Variants in PRDM16 observed in about 807,000 individuals in gnomAD.
The protein encoded by PRDM16 is PR/SET domain 16.
A neutral mutation model predicts 110.6 loss-of-function variants in PRDM16; 23 were observed. That is an observed-to-expected ratio of 0.21 (90% confidence interval 0.15 to 0.29). The LOEUF is 0.29. PRDM16 is among the 10% of genes least tolerant of loss of function. The pLI is 1.00. For synonymous variants in PRDM16, 799 were observed against 781.8 expected (o/e 1.02, Z -0.37); for missense variants, 1,615 against 1,794.3 (o/e 0.90, Z 1.81).
At chr1:3,152,000 G>A (rs1479692081) in intron 1 of PRDM16, among the ~76,000 whole-genome samples, 1 of 152,226 alleles carries the variant, frequency 6.6e-6, no homozygotes, top group Non-Finnish European at 1.5e-5. Context: ...TCTGCGTGGT[G>A]CTTCCTGAAG....
intron 1 of PRDM16, among the ~76,000 whole-genome samples, chr1:3,117,507 G>T (rs1642988224): frequency 6.6e-6 from 1 of 152,102 alleles, no homozygotes. Context: ...GCATCGCCAT[G>T]CCACCTCACC....
chr1:3,260,083 G>C (rs1640127619), intron 3 of PRDM16, among the ~76,000 whole-genome samples: 1 of 152,048 alleles, frequency 6.6e-6, no homozygotes, highest in Non-Finnish European at 1.5e-5. Context: ...ACCCCTCAGA[G>C]ACCACCTTCT....
intron 1 of PRDM16, among the ~76,000 whole-genome samples, chr1:3,150,608 A>C (rs574408235): frequency 3.3e-5 from 5 of 152,036 alleles, no homozygotes; most frequent in Non-Finnish European, 5.9e-5. Context: ...GGAGGTTTTC[A>C]GTCTCTAGTC....
intron 1 of PRDM16, among the ~76,000 whole-genome samples, chr1:3,101,575 C>T (rs1338367103): frequency 6.6e-6 from 1 of 152,238 alleles, no homozygotes; most frequent in Non-Finnish European, 1.5e-5. Flanking sequence ...CAGGCTTGGC[C>T]TGAGCTCTGT....
chr1:3,125,301 G>A (rs1481578995), intron 1 of PRDM16, among the ~76,000 whole-genome samples: 2 of 152,268 alleles, frequency 1.3e-5, no homozygotes, highest in Admixed American at 6.5e-5. Flanking sequence ...AGAGGCCTCA[G>A]AGCTGGCCAG....
rs2100691129 is a variant in PRDM16, at chr1:3,425,127, G to T, written c.2940-454G>T. 6.6e-6 allele frequency: 1 copy of T among 152,390 alleles called. No individual in the cohort carries two copies. Among genetic ancestry groups the T allele is most frequent in the Admixed American group, 6.5e-5 (1 of 15,268 alleles). The allele number at this position is 152,390 out of a possible 1,614,324, so 9.4% of individuals were successfully genotyped here. ...GAGTCTCGCTCTGTCGCCCAGGCTG[G>T]AGTGCGGTGGCGTGATCTTGGCTCA... On this transcript the variant is annotated intron_variant, in intron 12 of 16. Transcript: ENST00000270722. This position sits in a 1 kb window ranked among gnomAD's most constrained non-coding sequence, Gnocchi z 6.9.
intron 1 of PRDM16, among the ~76,000 whole-genome samples, chr1:3,146,121 G>C (rs12029725): frequency 0.26 from 39,739 of 152,194 alleles, 6,306 homozygotes; most frequent in Non-Finnish European, 0.36. Context: ...GTGGGCATCA[G>C]GGCTCTGCTG....
rs542279737 is a variant in PRDM16, at chr1:3,430,939, G to T, written c.3352G>T (p.Val1118Leu). 1.9e-6 allele frequency: 3 copies of T among 1,613,960 alleles called. No homozygotes were observed. The African/African-American group carries it at 4.0e-5, about 22-fold the overall frequency. The stretch of plus-strand genomic sequence containing the variant: ...CCTAGCCAGTGAGAAGCAGGAGGAC[G>T]TGGAGGAGGAGGACGACGATGACCT... ...PGLASEKQED[V>L]EEEDDDDLEE... Residue 1118 changes from valine (V) to leucine (L), a missense_variant, in exon 15 of 17, where the codon GTG (valine) becomes TTG (leucine). Coordinates refer to ENST00000270722, the MANE Select transcript of PRDM16 (RefSeq NM_022114.4).
intron 3 of PRDM16, among the ~76,000 whole-genome samples, chr1:3,304,748 C>T (rs1282094606): frequency 7.6e-6 from 1 of 132,436 alleles, no homozygotes; most frequent in Non-Finnish European, 1.5e-5. Flanking sequence ...CCTTCGCTCC[C>T]TGCAGGGGCC....
intron 1 of PRDM16, among the ~76,000 whole-genome samples, chr1:3,095,032 G>C (rs894634831): frequency 6.6e-6 from 1 of 152,236 alleles, no homozygotes; most frequent in African/African-American, 2.4e-5. Context: ...CTGTTGCCCT[G>C]GCCTACTCCC....
intron 3 of PRDM16, among the ~76,000 whole-genome samples, chr1:3,251,734 A>C (rs961913784): frequency 5.3e-5 from 8 of 152,182 alleles, no homozygotes; most frequent in Non-Finnish European, 7.3e-5. Context: ...AGCAGGATTT[A>C]TTGGCTACAT....
chr1:3,293,073 G>A lies in PRDM16; in HGVS notation c.438+48936G>A, dbSNP rs536435810. ...TCCAGGTGCCTTTCACAGGGACATCGCCCATGAGGGCAGGGACTGCACCCT... is the reference window on the plus strand; with the variant it reads ...TCCAGGTGCCTTTCACAGGGACATCACCCATGAGGGCAGGGACTGCACCCT... On this transcript the variant is annotated intron_variant, in intron 3 of 16. Transcript: ENST00000270722. Among the ~76,000 whole-genome samples, 36 of 152,338 alleles carry A rather than the reference G, an allele frequency of 2.4e-4. No individual in the cohort carries two copies. The South Asian group carries it at 7.0e-3, about 30-fold the overall frequency.
In PRDM16 at chr1:3,402,906, G is replaced by A. The variant is rs1312631885; in HGVS notation, c.792G>A (p.Leu264=). Reference sequence around the variant, plus strand: ...TGGGGGCTGCGCTCTACGAGGGCCTGGCTGAGGAGCTCAAGCCCGAGGGCC... The same window carrying A: ...TGGGGGCTGCGCTCTACGAGGGCCTAGCTGAGGAGCTCAAGCCCGAGGGCC... ...GSVGAALYEG[L]AEELKPEGLG... Residue 264 remains leucine (L), a synonymous_variant, in exon 6 of 17, where the codon CTG becomes CTA. Coordinates refer to ENST00000270722, the MANE Select transcript of PRDM16 (RefSeq NM_022114.4). The A allele has an allele frequency of 6.2e-7, 1 of 1,613,010 alleles. No individual in the cohort carries two copies. Among genetic ancestry groups the A allele is most frequent in the African/African-American group, 1.3e-5 (1 of 75,062 alleles).
intron 1 of PRDM16, among the ~76,000 whole-genome samples, chr1:3,177,786 C>A (rs180913336): frequency 6.2e-4 from 95 of 152,372 alleles, no homozygotes; most frequent in South Asian, 1.2e-3. Flanking sequence ...TGAAGTTTTG[C>A]CTCCCTTTGT....
chr1:3,123,151 C>G (rs969901272), intron 1 of PRDM16, among the ~76,000 whole-genome samples: 13 of 152,218 alleles, frequency 8.5e-5, no homozygotes. Flanking sequence ...ACAGCAGGCC[C>G]AAGCCTTCGG....
intron 1 of PRDM16, among the ~76,000 whole-genome samples, chr1:3,122,686 C>T (rs1002406983): frequency 1.3e-5 from 2 of 152,140 alleles, no homozygotes; most frequent in African/African-American, 4.8e-5. Flanking sequence ...CCCCTCCGTG[C>T]TGCCCCCACA....
intron 1 of PRDM16, among the ~76,000 whole-genome samples, chr1:3,111,982 G>A (rs950974857): frequency 6.6e-6 from 1 of 152,224 alleles, no homozygotes; most frequent in Non-Finnish European, 1.5e-5. Flanking sequence ...GCGCGGCGGC[G>A]AGGGAGGACC....
At chr1:3,094,301 C>T (rs1642343266) in intron 1 of PRDM16, among the ~76,000 whole-genome samples, 1 of 152,250 alleles carries the variant, frequency 6.6e-6, no homozygotes. Context: ...GGCTCCTAAG[C>T]ACCCCTTGGG....
chr1:3,071,179 G>C (rs994916000), intron 1 of PRDM16, among the ~76,000 whole-genome samples: 1 of 152,266 alleles, frequency 6.6e-6, no homozygotes, highest in African/African-American at 2.4e-5. Context: ...CGCTGACGCC[G>C]GGGCCTTCGC....
Sources: allele counts gnomAD v4.1 joint callset (sites outside exome capture counted in the v4.1 genomes callset), GRCh38; gene constraint gnomAD v4.1.1; non-coding constraint Gnocchi (gnomAD v3.1); transcripts MANE v1.5; gene names NCBI Gene and HGNC (gene_info 2026-07-23, HGNC 2026-07-21).